Variants in STK25 observed in about 807,000 individuals in gnomAD.
The protein encoded by STK25 is serine/threonine kinase 25.
A neutral mutation model predicts 53.8 loss-of-function variants in STK25; 29 were observed. The ratio of observed to expected loss-of-function variants is 0.54; its 90% CI spans 0.40 to 0.74. The LOEUF (loss-of-function observed/expected upper bound fraction) is 0.74, where lower values mean the gene tolerates loss of function less well. STK25 is among the 30% of genes least tolerant of loss of function. The pLI is 0.00. For missense variants in STK25, 420 were observed against 568.0 expected, an observed-to-expected ratio of 0.74 and a Z score of 2.65; for synonymous variants, 247 against 238.3, an observed-to-expected ratio of 1.04 and a Z score of -0.33.
chr2:241,508,575 C>A lies in STK25; in HGVS notation c.-233G>T, dbSNP rs1482035604. 2 of 990,816 alleles carry A rather than the reference C, an allele frequency of 2.0e-6. No individual in the cohort carries two copies. The highest frequency in any genetic ancestry group is 3.5e-5 in the African/African-American group (2 of 57,350). 61.4% of individuals were successfully genotyped at this position (990,816 alleles called of 1,614,324 possible). A position where few individuals can be genotyped will look rare whatever the true frequency, so the allele number is the denominator to read the frequency against. ...AAGCAACGGTGGTGGCGGCAGCGAC[C>A]GGAGAAAGCCCGGAGGCGACGGCGA... On this transcript the variant is annotated 5_prime_UTR_variant, in exon 1 of 12. Coordinates refer to ENST00000316586, the MANE Select transcript of STK25 (RefSeq NM_001271977.2).
chr2:241,507,518 A>C (rs1447556724), intron 2 of STK25, among the ~76,000 whole-genome samples: 1 of 152,154 alleles, frequency 6.6e-6, no homozygotes, highest in African/African-American at 2.4e-5. Context: ...TTCCCTGCAC[A>C]CCGGCCACTC....
chr2:241,497,880 CT>C (rs2065266740), intron 9 of STK25, among the ~76,000 whole-genome samples, 193 bp from the exon 10 acceptor site: 9 of 151,964 alleles, frequency 5.9e-5, no homozygotes, highest in African/African-American at 1.4e-4. Context: ...CCACCCTCTC[CT>C]GACTCTGAGG....
At chr2:241,507,840 G>A (rs2065936476) in intron 2 of STK25, among the ~76,000 whole-genome samples, 166 bp downstream of exon 2, 1 of 152,224 alleles carries the variant, frequency 6.6e-6, no homozygotes, top group African/African-American at 2.4e-5. Flanking sequence ...CAGAGCCCCG[G>A]GGCCGCCCTG....
chr2:241,498,398 G>T (rs1330182649), intron 8 of STK25, 49 bp from the exon 9 acceptor site: 2 of 1,492,056 alleles, frequency 1.3e-6, no homozygotes, highest in Non-Finnish European at 1.8e-6. Flanking sequence ...GGGCCAGGAG[G>T]CATGAGGGCC....
At chr2:241,508,180 G>A in intron 1 of STK25, 45 bp from the exon 2 acceptor site, 3 of 1,377,724 alleles carry the variant, frequency 2.2e-6, no homozygotes, top group Non-Finnish European at 1.9e-6. Flanking sequence ...TCAGTCATCT[G>A]AGACCGACCT....
In STK25 at chr2:241,493,367, C is replaced by CAAAG. The variant is rs1559820272; in HGVS notation, c.*2291_*2294dup. The stretch of plus-strand genomic sequence containing the variant: ...TCCCCAGGGAGGCCGATGGCATACA[C>CAAAG]AAAGACTATGTTTTCAAGCTCCAGT... On this transcript the variant is annotated 3_prime_UTR_variant, in exon 12 of 12. Transcript: ENST00000316586. 4 of 1,613,996 alleles carry CAAAG rather than the reference C, an allele frequency of 2.5e-6. No homozygotes were observed. The highest frequency in any genetic ancestry group is 3.4e-6 in the Non-Finnish European group (4 of 1,179,960).
intron 11 of STK25, 75 bp from the exon 12 acceptor site, chr2:241,495,776 G>C: frequency 6.5e-7 from 1 of 1,534,380 alleles, no homozygotes; most frequent in Non-Finnish European, 9.0e-7. Flanking sequence ...TGGGTGTGCA[G>C]TCTGCGGTGG....
Position 241,493,831 on chromosome 2 carries a change from A to T in STK25, c.*1831T>A. On this transcript the variant is annotated 3_prime_UTR_variant, in exon 12 of 12. Coordinates refer to ENST00000316586, the MANE Select transcript of STK25 (RefSeq NM_001271977.2). ...AGGCTGGTCTCGAACTCCTGACCTC[A>T]AGTGATCCATCTGCCTCAGCCTCCC... The T allele has an allele frequency of 1.9e-6, 1 of 533,606 alleles. No individual in the cohort carries two copies. The highest frequency in any genetic ancestry group is 3.4e-6 in the Non-Finnish European group (1 of 296,952). The allele number at this position is 533,606 out of a possible 1,614,324, so 33.1% of individuals were successfully genotyped here. A position where few individuals can be genotyped will look rare whatever the true frequency, so the allele number is the denominator to read the frequency against.
chr2:241,508,733 G>C (rs2066011192), upstream of STK25: 1 of 985,106 alleles, frequency 1.0e-6, no homozygotes. Context: ...GCCGGGGCTC[G>C]CATGCGCGCC....
At chr2:241,499,817 C>G (rs534294048) in intron 5 of STK25, 9 of 458,670 alleles carry the variant, frequency 2.0e-5, no homozygotes, top group African/African-American at 1.8e-4. Flanking sequence ...AGTCCCTCCC[C>G]ATGGGCTGGC....
At position 241,493,582 on chromosome 2, in the gene STK25, A is replaced by G. The variant is rs557928709; in HGVS notation, c.*2080T>C. 1.4e-5 allele frequency: 10 copies of G among 740,416 alleles called. No homozygotes were observed. In the South Asian group the frequency reaches 1.6e-4, roughly 12 times the overall value. The allele number at this position is 740,416 out of a possible 1,614,324, so 45.9% of individuals were successfully genotyped here. On this transcript the variant is annotated 3_prime_UTR_variant, in exon 12 of 12. Transcript: ENST00000316586. The stretch of plus-strand genomic sequence containing the variant: ...GAGCAATGCTTCCAGCATTTCCAAA[A>G]AACAGCAATGCTTTGTTTTTTTTTT...
rs1197749655 is a variant in STK25 at position 241,498,728 on chromosome 2, C to T, written c.828G>A (p.Lys276=). 4 of 1,614,034 alleles carry T rather than the reference C, an allele frequency of 2.5e-6. No individual in the cohort carries two copies. Among genetic ancestry groups the T allele is most frequent in the Non-Finnish European group, 3.4e-6 (4 of 1,180,036 alleles). Residue 276 remains lysine (K), a synonymous_variant, in exon 8 of 12, where the codon AAG becomes AAA. Coordinates refer to ENST00000316586, the MANE Select transcript of STK25 (RefSeq NM_001271977.2). ...KHKFITRYTK[K]TSFLTELIDR... is the part of the protein sequence containing the mutation. ...CGATGAGCTCCGTGAGGAAGGAGGT[C>T]TTCTTGGTGTAGCGTGTGATGAACT...
chr2:241,493,134 C>T lies in STK25; in HGVS notation c.*2528G>A. ...CCTTTTGTATTTTGGTTCTGCCCTC[C>T]CATGCTTTGCCCACACACCCTGTGC... On this transcript the variant is annotated 3_prime_UTR_variant, in exon 12 of 12. Coordinates refer to ENST00000316586, the MANE Select transcript of STK25 (RefSeq NM_001271977.2). The T allele has an allele frequency of 8.8e-7, 1 of 1,141,998 alleles. No individual in the cohort carries two copies. The highest frequency in any genetic ancestry group is 1.3e-6 in the Non-Finnish European group (1 of 762,170). 70.7% of individuals were successfully genotyped at this position (1,141,998 alleles called of 1,614,324 possible). A position where few individuals can be genotyped will look rare whatever the true frequency, so the allele number is the denominator to read the frequency against.
chr2:241,497,807 C>T, intron 9 of STK25, 120 bp from the exon 10 acceptor site: 1 of 1,030,304 alleles, frequency 9.7e-7, no homozygotes, highest in Non-Finnish European at 1.5e-6. Context: ...TGTCGGGGCA[C>T]ATGTCCAGGG....
rs2065327465 is a variant in STK25, at chr2:241,498,704, G to A, written c.852C>T (p.Ile284=). 5 of 1,614,126 alleles carry A rather than the reference G, an allele frequency of 3.1e-6. No homozygotes were observed. The highest frequency in any genetic ancestry group is 1.7e-5 in the Admixed American group (1 of 60,030). ...CTGACTTCCAGCGCTTATAGCGGTCGATGAGCTCCGTGAGGAAGGAGGTCT... is the reference window on the plus strand; with the variant it reads ...CTGACTTCCAGCGCTTATAGCGGTCAATGAGCTCCGTGAGGAAGGAGGTCT... ...TKKTSFLTEL[I]DRYKRWKSEG... is the part of the protein sequence containing the mutation. The change falls in exon 8 of 12, where the codon ATC becomes ATT. Residue 284 remains isoleucine, a synonymous_variant. Coordinates refer to ENST00000316586, the MANE Select transcript of STK25 (RefSeq NM_001271977.2).
chr2:241,500,401 T>A, intron 4 of STK25, 120 bp from the exon 5 acceptor site: 1 of 695,578 alleles, frequency 1.4e-6, no homozygotes, highest in Non-Finnish European at 2.5e-6. Flanking sequence ...TCGTGTTCCT[T>A]TACTTCCCAA....
intron 11 of STK25, 49 bp from the exon 12 acceptor site, chr2:241,495,750 G>C (rs1339843247): frequency 6.2e-7 from 1 of 1,608,104 alleles, no homozygotes; most frequent in Non-Finnish European, 8.5e-7. Flanking sequence ...CTGTGCCCAG[G>C]CTCCTGACGG....
chr2:241,500,446 G>A (rs554444370), intron 4 of STK25, among the ~76,000 whole-genome samples, 165 bp from the exon 5 acceptor site: 1 of 152,202 alleles, frequency 6.6e-6, no homozygotes, highest in Non-Finnish European at 1.5e-5. Flanking sequence ...TGGGGTGGTG[G>A]AGGCTCTTTC....
chr2:241,499,553 C>T (rs2065379032), intron 5 of STK25, 139 bp from the exon 6 acceptor site: 2 of 1,188,890 alleles, frequency 1.7e-6, no homozygotes, highest in African/African-American at 1.5e-5. Flanking sequence ...GCCCTCCTTG[C>T]CACTCTCAAA....
Sources: gnomAD v4.1 joint callset for allele counts (sites outside exome capture counted in the v4.1 genomes callset) on GRCh38, gnomAD v4.1.1 for gene constraint, MANE v1.5 for transcripts, NCBI Gene and HGNC (gene_info 2026-07-23, HGNC 2026-07-21) for gene names.